USP32: variants seen among roughly 807,000 people sequenced by gnomAD.
The protein encoded by USP32 is ubiquitin carboxyl-terminal hydrolase 32.
Under a neutral mutation model 204.8 loss-of-function variants are expected in USP32, and 59 were observed. The observed-to-expected ratio is 0.29, with a 90% CI of 0.23 to 0.36. The LOEUF is 0.36. USP32 is among the 10% of genes least tolerant of loss of function. USP32 has a pLI of 1.00. For synonymous variants in USP32, 517 were observed against 678.4 expected (o/e 0.76, Z 3.70); for missense variants, 1,160 against 1,946.4 (o/e 0.60, Z 7.60).
Position 60,247,426 on chromosome 17 carries a change from C to T in USP32, c.1136+4955G>A, listed in dbSNP as rs542963140. Among the ~76,000 whole-genome samples, 8 of 152,230 alleles carry T rather than the reference C, an allele frequency of 5.3e-5. No homozygotes were observed. The South Asian group carries it at 8.3e-4, about 16-fold the overall frequency. On this transcript the variant is annotated intron_variant, in intron 11 of 33. Coordinates refer to ENST00000300896, the MANE Select transcript of USP32 (RefSeq NM_032582.4). Reference sequence around the variant, plus strand: ...AACTCCTGGCCTCAGGTGATCCAGCCGTCTCGGCCTCCCAAAGTGCTGGGA... The same window carrying T: ...AACTCCTGGCCTCAGGTGATCCAGCTGTCTCGGCCTCCCAAAGTGCTGGGA...
At chr17:60,289,646 C>A (rs991803305) in intron 4 of USP32, among the ~76,000 whole-genome samples, 1 of 152,128 alleles carries the variant, frequency 6.6e-6, no homozygotes, top group African/African-American at 2.4e-5. Flanking sequence ...TATGGTTGTT[C>A]ACGCCAATCC....
At chr17:60,320,806 A>G (rs2088095273) in intron 2 of USP32, among the ~76,000 whole-genome samples, 1 of 152,212 alleles carries the variant, frequency 6.6e-6, no homozygotes, top group Non-Finnish European at 1.5e-5. Flanking sequence ...GCATTTTAGA[A>G]CATGTACAAT....
intron 16 of USP32, among the ~76,000 whole-genome samples, chr17:60,216,871 C>T (rs1022309608): frequency 1.4e-4 from 22 of 152,070 alleles, no homozygotes; most frequent in African/African-American, 3.6e-4. Context: ...AACAAAAGAG[C>T]AAATTTCTCC....
At position 60,178,374 on chromosome 17, in the gene USP32, C is replaced by T. The variant is rs2084018820; in HGVS notation, c.*881G>A. On this transcript the variant is annotated 3_prime_UTR_variant, in exon 34 of 34. Transcript: ENST00000300896. ...ACCTTCCCAGAAGCTCTTGTTGCAA[C>T]AGGTGCATGTGAAGATGGTGCAAAT... 6.6e-6 allele frequency among the ~76,000 whole-genome samples: 1 copy of T among 152,232 alleles called. No individual in the cohort carries two copies. The highest frequency in any genetic ancestry group is 6.5e-5 in the Admixed American group (1 of 15,284).
chr17:60,273,264 A>G (rs1265908654), intron 5 of USP32, among the ~76,000 whole-genome samples: 1 of 152,134 alleles, frequency 6.6e-6, no homozygotes, highest in Non-Finnish European at 1.5e-5. Flanking sequence ...GGCATGAGTC[A>G]CCGCACCCAG....
At position 60,228,163 on chromosome 17, in the gene USP32, T is replaced by C. The variant is rs527997423; in HGVS notation, c.1240-1932A>G. Among the ~76,000 whole-genome samples, 7 of 152,256 alleles carry C rather than the reference T, an allele frequency of 4.6e-5. No individual in the cohort carries two copies. The East Asian group carries it at 1.4e-3, about 29-fold the overall frequency. On this transcript the variant is annotated intron_variant, in intron 12 of 33. Transcript: ENST00000300896. ...CCTCAGCCTCCTGAGTAGCTGGAAC[T>C]ACAGGCACCTGCCACCACACACAGC... is the stretch of plus-strand genomic sequence containing the variant.
chr17:60,409,334 C>T (rs575779582), intron 1 of USP32, among the ~76,000 whole-genome samples: 3 of 152,256 alleles, frequency 2.0e-5, no homozygotes, highest in South Asian at 4.1e-4. Context: ...TGCAACAGAG[C>T]GAGACTCCGT....
Position 60,226,227 on chromosome 17 carries a change from G to A in USP32, c.1244C>T (p.Ala415Val), listed in dbSNP as rs1201122666. Residue 415 changes from alanine (A) to valine (V), a missense_variant, in exon 13 of 34, where the codon GCC (alanine) becomes GTC (valine). Transcript: ENST00000300896. ...TGATGGCTCAATTACCACAGGGTTGGCATCCTAAAATCAGGAAATCAGAGA... is the reference window on the plus strand; with the variant it reads ...TGATGGCTCAATTACCACAGGGTTGACATCCTAAAATCAGGAAATCAGAGA... ...QQWKEYVKYD[A>V]NPVVIEPSSV... The A allele has an allele frequency of 2.0e-6, 3 of 1,533,824 alleles. No homozygotes were observed. The highest frequency in any genetic ancestry group is 2.6e-6 in the Non-Finnish European group (3 of 1,147,570).
rs201605753 is a variant in USP32, at chr17:60,422,032, A to AGCACCCC, written c.106+213_106+214insGGGGTGC. On this transcript the variant is annotated intron_variant, in intron 1 of 3. Transcript: ENST00000588898. Reference sequence around the variant, plus strand: ...ACCCAGTACCCAGCACCCAGCACCCAGCACGGAGGGCTTATTATTAACAAC... The same window carrying AGCACCCC: ...ACCCAGTACCCAGCACCCAGCACCCAGCACCCCGCACGGAGGGCTTATTATTAACAAC... 711 of 846,946 alleles carry AGCACCCC rather than the reference A, an allele frequency of 8.4e-4. 10 individuals are homozygous for AGCACCCC. The African/African-American group carries it at 0.013, about 15-fold the overall frequency. The allele number at this position is 846,946 out of a possible 1,614,324, so 52.5% of individuals were successfully genotyped here.
chr17:60,245,700 G>A (rs1459904122), intron 11 of USP32: 1 of 174,256 alleles, frequency 5.7e-6, no homozygotes, highest in Non-Finnish European at 1.2e-5. Context: ...AAGGAAGAGA[G>A]CCTCTTTATT....
intron 5 of USP32, among the ~76,000 whole-genome samples, chr17:60,280,348 C>T (rs1174670146): frequency 6.6e-6 from 1 of 152,164 alleles, no homozygotes; most frequent in Non-Finnish European, 1.5e-5. Flanking sequence ...CCACCCACCT[C>T]AGCCTCCCAA....
chr17:60,379,900 C>T (rs534605905), intron 1 of USP32, among the ~76,000 whole-genome samples: 17 of 152,294 alleles, frequency 1.1e-4, no homozygotes, highest in Non-Finnish European at 2.2e-4. Context: ...TAAATTTGTG[C>T]TTAAAACAGT....
intron 10 of USP32, among the ~76,000 whole-genome samples, chr17:60,253,685 G>C (rs1598147204): frequency 6.6e-6 from 1 of 152,226 alleles, no homozygotes; most frequent in East Asian, 1.9e-4. Context: ...AGAATCGCTT[G>C]AACCTGAGAG....
intron 11 of USP32, among the ~76,000 whole-genome samples, chr17:60,243,471 G>C (rs1192355600): frequency 6.6e-6 from 1 of 152,130 alleles, no homozygotes. Flanking sequence ...CATTAAGTAT[G>C]ATCTCAGCTG....
intron 12 of USP32, among the ~76,000 whole-genome samples, chr17:60,230,207 G>C (rs933880140): frequency 4.6e-5 from 7 of 152,172 alleles, no homozygotes; most frequent in African/African-American, 1.7e-4. Context: ...CCTCTAAGAT[G>C]GGCATGTAAG....
chr17:60,328,860 G>A (rs190826661), intron 2 of USP32, among the ~76,000 whole-genome samples: 7 of 152,202 alleles, frequency 4.6e-5, no homozygotes, highest in African/African-American at 1.7e-4. Flanking sequence ...GGAGCTACCT[G>A]CTCTGTGGCA....
At chr17:60,274,348 C>T (rs999312724) in intron 5 of USP32, among the ~76,000 whole-genome samples, 39 of 151,956 alleles carry the variant, frequency 2.6e-4, no homozygotes, top group Admixed American at 2.6e-3. Context: ...ATTGGGATCC[C>T]AGAAAGGGAT....
intron 2 of USP32, among the ~76,000 whole-genome samples, chr17:60,329,531 A>C (rs1171469843): frequency 1.3e-5 from 2 of 150,432 alleles, no homozygotes; most frequent in African/African-American, 2.4e-5. Context: ...CTGGCCTTGA[A>C]CTCCTGGCCT....
chr17:60,389,780 G>A (rs1185948648), intron 1 of USP32, among the ~76,000 whole-genome samples: 3 of 151,912 alleles, frequency 2.0e-5, no homozygotes, highest in Non-Finnish European at 4.4e-5. Flanking sequence ...ACTTTGGGAG[G>A]CCGAGGCGGG....
Sources: allele counts gnomAD v4.1 joint callset (sites outside exome capture counted in the v4.1 genomes callset), GRCh38; gene constraint gnomAD v4.1.1; transcripts MANE v1.5; gene names NCBI Gene and HGNC (gene_info 2026-07-23, HGNC 2026-07-21).